BCL2: variants seen among roughly 807,000 people sequenced by gnomAD.
BCL2 encodes apoptosis regulator Bcl-2.
Under a neutral mutation model 14.2 loss-of-function variants are expected in BCL2, and 1 was observed. The ratio of observed to expected loss-of-function variants is 0.07; its 90% CI spans 0.02 to 0.33. The LOEUF (loss-of-function observed/expected upper bound fraction) is 0.33, where lower values mean the gene tolerates loss of function less well. Among genes scored for constraint, BCL2 ranks in the 10% least tolerant of loss-of-function variants. BCL2 has a pLI of 0.99. For missense variants in BCL2, 247 were observed against 305.9 expected, an observed-to-expected ratio of 0.81 and a Z score of 1.44; for synonymous variants, 151 against 137.2, an observed-to-expected ratio of 1.10 and a Z score of -0.70.
chr18:63,314,077 T>A (rs1329508424), intron 2 of BCL2: 2 of 152,210 alleles, frequency 1.3e-5, no homozygotes, highest in South Asian at 4.1e-4. Context: ...CCACAGCACA[T>A]GACTGAAAAC....
chr18:63,251,576 C>T (rs1471873281), intron 2 of BCL2, among the ~76,000 whole-genome samples: 1 of 148,022 alleles, frequency 6.8e-6, no homozygotes, highest in Non-Finnish European at 1.5e-5. Flanking sequence ...ACCCGGGAGG[C>T]GGAGCTTGCA....
chr18:63,158,296 T>C (rs1317868166), intron 2 of BCL2, among the ~76,000 whole-genome samples: 2 of 152,234 alleles, frequency 1.3e-5, no homozygotes, highest in Non-Finnish European at 2.9e-5. Flanking sequence ...GTAATATTCA[T>C]GCACCTTCTC....
chr18:63,189,188 AT>A (rs1244379867), intron 2 of BCL2, among the ~76,000 whole-genome samples: 158 of 73,934 alleles, frequency 2.1e-3, no homozygotes, highest in Admixed American at 0.012. Flanking sequence ...TTAACAGCAT[AT>A]AAAAAAAAAA....
chr18:63,308,307 GC>G (rs1260587381), intron 2 of BCL2, among the ~76,000 whole-genome samples: 1 of 152,274 alleles, frequency 6.6e-6, no homozygotes, highest in African/African-American at 2.4e-5. Flanking sequence ...TGACTTTTGT[GC>G]TGCAGTTCTT....
intron 2 of BCL2, among the ~76,000 whole-genome samples, chr18:63,301,437 T>C (rs1912958716): frequency 6.6e-6 from 1 of 152,228 alleles, no homozygotes; most frequent in Non-Finnish European, 1.5e-5. Context: ...TACATACGTA[T>C]GCATATTTAT....
At chr18:63,276,961 T>C (rs1030409536) in intron 2 of BCL2, among the ~76,000 whole-genome samples, 3 of 152,180 alleles carry the variant, frequency 2.0e-5, no homozygotes, top group Admixed American at 1.3e-4. Context: ...AAAAGGGTGT[T>C]ACTAAATATC....
At chr18:63,190,687 CTTTA>C (rs757173193) in intron 2 of BCL2, among the ~76,000 whole-genome samples, 44 of 151,942 alleles carry the variant, frequency 2.9e-4, no homozygotes, top group Non-Finnish European at 4.6e-4. Flanking sequence ...TCTTATTTTA[CTTTA>C]TTTATTTTTT....
intron 2 of BCL2, among the ~76,000 whole-genome samples, chr18:63,287,490 T>C (rs999622625): frequency 1.3e-5 from 2 of 151,842 alleles, no homozygotes; most frequent in African/African-American, 2.4e-5. Context: ...GGGCTAAGGG[T>C]TAGGGGGTGG....
rs1406032445 is a variant in BCL2 at position 63,124,027 on chromosome 18, A to AT, written c.*4597dup. The stretch of plus-strand genomic sequence containing the variant: ...GTTGATAGGATGTTTGCTTGAAGTT[A>AT]TTTTTCTGGGGCAGTCCAGATGAAC... On this transcript the variant is annotated 3_prime_UTR_variant, in exon 3 of 3. Transcript: ENST00000333681. 4.5e-6 allele frequency: 1 copy of AT among 221,278 alleles called. No homozygotes were observed. Among genetic ancestry groups the AT allele is most frequent in the African/African-American group, 2.2e-5 (1 of 44,572 alleles). 13.7% of individuals were successfully genotyped at this position (221,278 alleles called of 1,614,324 possible).
chr18:63,318,900 G>T lies in BCL2; in HGVS notation c.-234C>A. ...TTCCTTTCGGATCTTTATTTCATGA[G>T]GCACGTTATTATTAGTAAGTATTGT... On this transcript the variant is annotated 5_prime_UTR_variant, in exon 2 of 3. Coordinates refer to ENST00000333681, the MANE Select transcript of BCL2 (RefSeq NM_000633.3). This position sits in a 1 kb window ranked among gnomAD's most constrained non-coding sequence, Gnocchi z 7.4. The T allele has an allele frequency of 7.1e-7, 1 of 1,409,044 alleles. No homozygotes were observed. Among genetic ancestry groups the T allele is most frequent in the Non-Finnish European group, 9.3e-7 (1 of 1,078,268 alleles). 87.3% of individuals were successfully genotyped at this position (1,409,044 alleles called of 1,614,324 possible). A position where few individuals can be genotyped will look rare whatever the true frequency, so the allele number is the denominator to read the frequency against.
rs1427724498 is a variant in BCL2, at chr18:63,126,870, A to G, written c.*1755T>C. 2.6e-5 allele frequency: 6 copies of G among 228,758 alleles called. No individual in the cohort carries two copies. The highest frequency in any genetic ancestry group is 1.1e-4 in the African/African-American group (5 of 45,138). The allele number at this position is 228,758 out of a possible 1,614,324, so 14.2% of individuals were successfully genotyped here. ...CAGCATTAAACATTGAACAGAGTAC[A>G]TTCCAAAGTTAATACAGATAAATGG... On this transcript the variant is annotated 3_prime_UTR_variant, in exon 3 of 3. Coordinates refer to ENST00000333681, the MANE Select transcript of BCL2 (RefSeq NM_000633.3).
intron 2 of BCL2, among the ~76,000 whole-genome samples, chr18:63,158,838 T>C (rs745307886): frequency 2.0e-5 from 3 of 152,184 alleles, no homozygotes; most frequent in Non-Finnish European, 4.4e-5. Context: ...GCTAGATAAG[T>C]TAATTTTTAA....
chr18:63,225,668 C>T (rs1311067760), intron 2 of BCL2, among the ~76,000 whole-genome samples: 1 of 152,206 alleles, frequency 6.6e-6, no homozygotes, highest in African/African-American at 2.4e-5. Flanking sequence ...CACTCTGGCA[C>T]TGGCAGGGGT....
At chr18:63,246,039 G>C (rs1235089134) in intron 2 of BCL2, among the ~76,000 whole-genome samples, 1 of 152,122 alleles carries the variant, frequency 6.6e-6, no homozygotes, top group East Asian at 1.9e-4. Flanking sequence ...GAGTGGGTGG[G>C]GTGGGATCAA....
Position 63,127,014 on chromosome 18 carries a change from T to C in BCL2, c.*1611A>G, listed in dbSNP as rs1375596151. 3.1e-5 allele frequency: 7 copies of C among 226,554 alleles called. No homozygotes were observed. The highest frequency in any genetic ancestry group is 6.1e-5 in the Non-Finnish European group (7 of 114,924). The allele number at this position is 226,554 out of a possible 1,614,324, so 14.0% of individuals were successfully genotyped here. On this transcript the variant is annotated 3_prime_UTR_variant, in exon 3 of 3. Transcript: ENST00000333681. ...AAGATGTCACTTCTTTTGTTACTTC[T>C]TTATAGTTCCCCACCATTGATTTTT...
intron 2 of BCL2, among the ~76,000 whole-genome samples, chr18:63,232,094 G>A (rs1001380925): frequency 6.6e-6 from 1 of 151,884 alleles, no homozygotes; most frequent in African/African-American, 2.4e-5. Context: ...TAGGTGGTTC[G>A]CAGACAACTG....
At chr18:63,258,451 G>A (rs929421627) in intron 2 of BCL2, among the ~76,000 whole-genome samples, 1 of 152,186 alleles carries the variant, frequency 6.6e-6, no homozygotes, top group Non-Finnish European at 1.5e-5. Flanking sequence ...GACCCAGGCA[G>A]GGCTGTTATT....
At chr18:63,295,345 A>G (rs1912769877) in intron 2 of BCL2, among the ~76,000 whole-genome samples, 1 of 152,194 alleles carries the variant, frequency 6.6e-6, no homozygotes, top group Admixed American at 6.5e-5. Flanking sequence ...TGTGTCTGTC[A>G]AGGGCCAAGT....
At chr18:63,254,604 T>C (rs992748609) in intron 2 of BCL2, among the ~76,000 whole-genome samples, 3 of 152,000 alleles carry the variant, frequency 2.0e-5, no homozygotes, top group Admixed American at 1.3e-4. Flanking sequence ...CTTCTCATCA[T>C]TGGGGTCACA....
Sources: gnomAD v4.1 joint callset for allele counts (sites outside exome capture counted in the v4.1 genomes callset) on GRCh38, gnomAD v4.1.1 for gene constraint, Gnocchi (gnomAD v3.1) non-coding constraint, MANE v1.5 for transcripts, NCBI Gene and HGNC (gene_info 2026-07-23, HGNC 2026-07-21) for gene names.